Variants in PARM1 observed in about 807,000 individuals in gnomAD.
The protein encoded by PARM1 is WSC4, cell wall integrity and stress response component 4 homolog.
In PARM1, 14 loss-of-function variants were observed where a neutral mutation model predicts 24.6. That is an observed-to-expected ratio of 0.57 (90% confidence interval 0.38 to 0.89). The LOEUF (loss-of-function observed/expected upper bound fraction) is 0.89, where lower values mean the gene tolerates loss of function less well. Ranked by LOEUF, PARM1 falls within the 40% of genes least tolerant of loss-of-function variation. The pLI is 0.00. For synonymous variants in PARM1, 179 were observed against 156.6 expected, an observed-to-expected ratio of 1.14 and a Z score of -1.07; for missense variants, 362 against 380.4, an observed-to-expected ratio of 0.95 and a Z score of 0.40.
chr4:74,972,677 A>G lies in PARM1; in HGVS notation c.43+39307A>G, dbSNP rs75536598. Reference sequence around the variant, plus strand: ...TTATGAAAATTCTTCCGGTAAATACACAAAGTAGTACTTCATGATTTCTTT... The same window carrying G: ...TTATGAAAATTCTTCCGGTAAATACGCAAAGTAGTACTTCATGATTTCTTT... On this transcript the variant is annotated intron_variant, in intron 1 of 3. Transcript: ENST00000307428. Among the ~76,000 whole-genome samples the G allele has an allele frequency of 3.4e-3, 514 of 149,956 alleles. 3 individuals are homozygous for G. Among genetic ancestry groups the G allele is most frequent in the South Asian group, 5.7e-3 (27 of 4,736 alleles).
At position 75,027,483 on chromosome 4, in the gene PARM1, C is replaced by G. The variant is rs142754859; in HGVS notation, c.770-6400C>G. ...CTTCCAATAATGGTAAAATTAAGAT[C>G]TACCTAGGTTGCAGTGTCTAAGAAC... is the stretch of plus-strand genomic sequence containing the variant. On this transcript the variant is annotated intron_variant, in intron 2 of 3. Transcript: ENST00000307428. Among the ~76,000 whole-genome samples, 581 of 152,218 alleles carry G rather than the reference C, an allele frequency of 3.8e-3. 12 individuals carry two copies. The highest frequency in any genetic ancestry group is 0.035 in the Admixed American group (533 of 15,298).
chr4:75,000,513 A>T (rs1316667978), intron 1 of PARM1, among the ~76,000 whole-genome samples: 1 of 152,192 alleles, frequency 6.6e-6, no homozygotes, highest in East Asian at 1.9e-4. Context: ...GATGGCTGCC[A>T]CTGTGCTAGA....
intron 2 of PARM1, among the ~76,000 whole-genome samples, chr4:75,030,591 G>A (rs1723256007): frequency 6.6e-6 from 1 of 152,138 alleles, no homozygotes; most frequent in Non-Finnish European, 1.5e-5. Context: ...AGAACATGTT[G>A]GTAGAGTGAA....
intron 1 of PARM1, among the ~76,000 whole-genome samples, chr4:74,982,345 G>A (rs1722273607): frequency 6.6e-6 from 1 of 152,072 alleles, no homozygotes; most frequent in East Asian, 1.9e-4. Context: ...GCTAATACAT[G>A]CTGGGCTTAA....
chr4:74,979,940 GTAAAC>G (rs1219253105), intron 1 of PARM1, among the ~76,000 whole-genome samples: 1 of 152,028 alleles, frequency 6.6e-6, no homozygotes, highest in Non-Finnish European at 1.5e-5. Context: ...AAAACTCTCA[GTAAAC>G]TAGCTATTGT....
At chr4:74,938,209 A>C (rs932858305) in intron 1 of PARM1, among the ~76,000 whole-genome samples, 1 of 152,194 alleles carries the variant, frequency 6.6e-6, no homozygotes, top group African/African-American at 2.4e-5. Context: ...ATATTGGTCA[A>C]ATATTATACT....
intron 2 of PARM1, among the ~76,000 whole-genome samples, chr4:75,027,507 A>C (rs1190992636): frequency 6.6e-6 from 1 of 152,078 alleles, no homozygotes; most frequent in Non-Finnish European, 1.5e-5. Flanking sequence ...GTGTCTAAGA[A>C]CTAAGGTTTT....
At chr4:75,044,426 T>G (rs1405442442) in intron 3 of PARM1, among the ~76,000 whole-genome samples, 1 of 152,228 alleles carries the variant, frequency 6.6e-6, no homozygotes, top group African/African-American at 2.4e-5. Flanking sequence ...GGGGGATCTC[T>G]GGATTTATTT....
Position 75,048,731 on chromosome 4 carries a change from A to G in PARM1, c.*2484A>G, listed in dbSNP as rs1360911952. On this transcript the variant is annotated 3_prime_UTR_variant, in exon 4 of 4. Transcript: ENST00000307428. ...GGCACATAATGGGTCTGTTGCTCTT[A>G]TTGGCTTCCAAATGTGCATGGCAAA... The G allele has an allele frequency of 1.3e-5, 2 of 152,486 alleles. No homozygotes were observed. Among genetic ancestry groups the G allele is most frequent in the African/African-American group, 2.4e-5 (1 of 41,378 alleles). 9.4% of individuals were successfully genotyped at this position (152,486 alleles called of 1,614,324 possible). A position where few individuals can be genotyped will look rare whatever the true frequency, so the allele number is the denominator to read the frequency against.
intron 1 of PARM1, among the ~76,000 whole-genome samples, chr4:75,011,289 T>C (rs1722865106): frequency 6.6e-6 from 1 of 152,106 alleles, no homozygotes; most frequent in Admixed American, 6.5e-5. Flanking sequence ...GGGGAGATAG[T>C]GACAAGTGGT....
chr4:75,001,072 A>G (rs1467884748), intron 1 of PARM1, among the ~76,000 whole-genome samples: 1 of 152,238 alleles, frequency 6.6e-6, no homozygotes, highest in Admixed American at 6.5e-5. Context: ...AGATGGAGAT[A>G]TAATATTTCC....
In PARM1 at chr4:75,046,281, T is replaced by C. The variant is rs376292244; in HGVS notation, c.*34T>C. The C allele has an allele frequency of 8.1e-6, 11 of 1,359,430 alleles. No homozygotes were observed. The African/African-American group carries it at 1.3e-4, about 16-fold the overall frequency. 84.2% of individuals were successfully genotyped at this position (1,359,430 alleles called of 1,614,324 possible). ...TATGGCCTGGGATGAGGATTAACTGTTCTTTATTTATAAGTGCTTATCCAG... is the reference window on the plus strand; with the variant it reads ...TATGGCCTGGGATGAGGATTAACTGCTCTTTATTTATAAGTGCTTATCCAG... On this transcript the variant is annotated 3_prime_UTR_variant, in exon 4 of 4. Transcript: ENST00000307428.
intron 1 of PARM1, among the ~76,000 whole-genome samples, chr4:74,940,405 G>A (rs901884936): frequency 3.3e-5 from 5 of 152,166 alleles, no homozygotes; most frequent in African/African-American, 1.2e-4. Context: ...TCTAGAGATT[G>A]GGAAGTCCAA....
At chr4:75,035,221 C>G (rs1331592639) in intron 3 of PARM1, among the ~76,000 whole-genome samples, 1 of 152,142 alleles carries the variant, frequency 6.6e-6, no homozygotes, top group African/African-American at 2.4e-5. Context: ...TGACCACTGT[C>G]TATTATTTTA....
intron 1 of PARM1, among the ~76,000 whole-genome samples, chr4:74,971,311 C>T (rs114698145): frequency 5.8e-4 from 89 of 152,226 alleles, no homozygotes; most frequent in Non-Finnish European, 1.2e-3. Flanking sequence ...TTTATTCACT[C>T]TCATGAGAAC....
At chr4:74,934,939 AC>A (rs1429077356) in intron 1 of PARM1, among the ~76,000 whole-genome samples, 1 of 150,328 alleles carries the variant, frequency 6.7e-6, no homozygotes, top group Non-Finnish European at 1.5e-5. Flanking sequence ...ACCGGGATTA[AC>A]CCTAACAAAC....
chr4:74,972,939 T>C (rs1340487958), intron 1 of PARM1, among the ~76,000 whole-genome samples: 2 of 152,196 alleles, frequency 1.3e-5, no homozygotes, highest in East Asian at 1.9e-4. Flanking sequence ...TTTGAGTAGA[T>C]GACAGTAAAA....
intron 3 of PARM1, among the ~76,000 whole-genome samples, chr4:75,039,925 C>G (rs1372765016): frequency 6.6e-6 from 1 of 152,206 alleles, no homozygotes; most frequent in Non-Finnish European, 1.5e-5. Context: ...CAAGAGAGAT[C>G]TCCTTTGGGA....
chr4:75,013,529 A>T (rs938992165), intron 2 of PARM1, among the ~76,000 whole-genome samples: 1 of 152,246 alleles, frequency 6.6e-6, no homozygotes, highest in South Asian at 2.1e-4. Context: ...CATCTGTAAA[A>T]TGGGATAAAA....
Sources: allele counts gnomAD v4.1 joint callset (sites outside exome capture counted in the v4.1 genomes callset), GRCh38; gene constraint gnomAD v4.1.1; transcripts MANE v1.5; gene names NCBI Gene and HGNC (gene_info 2026-07-23, HGNC 2026-07-21).